The following ATG4C variants were observed in gnomAD, a reference collection of about 807,000 sequenced individuals.
The protein encoded by ATG4C is autophagy related 4C cysteine peptidase.
In ATG4C, 56 loss-of-function variants were observed where a neutral mutation model predicts 57.6. The ratio of observed to expected loss-of-function variants is 0.97; its 90% CI spans 0.78 to 1.21. The LOEUF (loss-of-function observed/expected upper bound fraction) is 1.21, where lower values mean the gene tolerates loss of function less well. ATG4C is among the 50% of genes most tolerant of loss of function. ATG4C has a pLI of 0.00. For missense variants in ATG4C, 595 were observed against 529.8 expected, an observed-to-expected ratio of 1.12 and a Z score of -1.21; for synonymous variants, 157 against 174.1, an observed-to-expected ratio of 0.90 and a Z score of 0.78.
At chr1:62,794,346 T>C (rs2100282349) in intron 1 of ATG4C, among the ~76,000 whole-genome samples, 1 of 152,320 alleles carries the variant, frequency 6.6e-6, no homozygotes, top group South Asian at 2.1e-4. Flanking sequence ...ATTTTACTCG[T>C]TAGATTTAAG....
At chr1:62,826,128 C>A (rs139134971) in intron 6 of ATG4C, among the ~76,000 whole-genome samples, 2 of 151,592 alleles carry the variant, frequency 1.3e-5, no homozygotes, top group African/African-American at 4.9e-5. Context: ...AGGCTGGCCT[C>A]GAAGTCCTGA....
intron 10 of ATG4C, among the ~76,000 whole-genome samples, chr1:62,857,490 T>C (rs1354804226): frequency 6.6e-6 from 1 of 152,080 alleles, no homozygotes; most frequent in Non-Finnish European, 1.5e-5. Flanking sequence ...ATTATTTCAT[T>C]ATATATATTA....
chr1:62,851,384 A>G (rs575975892), intron 10 of ATG4C, among the ~76,000 whole-genome samples: 1 of 152,210 alleles, frequency 6.6e-6, no homozygotes, highest in Non-Finnish European at 1.5e-5. Context: ...TCCAAAGAAT[A>G]CCTCCTCAGG....
chr1:62,844,905 G>A (rs1666283489), intron 10 of ATG4C, among the ~76,000 whole-genome samples: 2 of 151,772 alleles, frequency 1.3e-5, no homozygotes, highest in Admixed American at 1.3e-4. Flanking sequence ...CGTACATGTT[G>A]ATCTAGCTTA....
rs570726209 is a variant in ATG4C, at chr1:62,794,368, T to C, written c.-68-9351T>C. ...TCGTTAGATTTAAGAGAAGAATGCA[T>C]TGGTATTTTATTTAAGTCATCATTA... On this transcript the variant is annotated intron_variant, in intron 1 of 10. Coordinates refer to ENST00000317868, the MANE Select transcript of ATG4C (RefSeq NM_032852.4). 3.3e-5 allele frequency among the ~76,000 whole-genome samples: 5 copies of C among 152,328 alleles called. No homozygotes were observed. In the South Asian group the frequency reaches 1.0e-3, roughly 32 times the overall value.
At chr1:62,832,539 A>G (rs1665875446) in intron 7 of ATG4C, among the ~76,000 whole-genome samples, 1 of 152,050 alleles carries the variant, frequency 6.6e-6, no homozygotes, top group Admixed American at 6.6e-5. Context: ...AGTCCTTTTT[A>G]TAGCAACATT....
chr1:62,837,848 G>C (rs1344911161), intron 9 of ATG4C, among the ~76,000 whole-genome samples: 7 of 152,126 alleles, frequency 4.6e-5, no homozygotes, highest in Admixed American at 3.9e-4. Flanking sequence ...TTGGAGCGTA[G>C]TGTGTAATCT....
intron 10 of ATG4C, among the ~76,000 whole-genome samples, chr1:62,855,956 C>A (rs911898717): frequency 2.0e-5 from 3 of 152,150 alleles, no homozygotes; most frequent in African/African-American, 4.8e-5. Context: ...GAAGTATTTT[C>A]AGTTTTCAGA....
chr1:62,829,819 T>C (rs564087853), intron 7 of ATG4C, among the ~76,000 whole-genome samples: 16 of 152,308 alleles, frequency 1.1e-4, no homozygotes, highest in African/African-American at 3.6e-4. Flanking sequence ...AAATAGTTTC[T>C]GATTAAGGCA....
At chr1:62,824,584 C>T (rs190396952) in intron 6 of ATG4C, among the ~76,000 whole-genome samples, 112 of 151,954 alleles carry the variant, frequency 7.4e-4, no homozygotes, top group African/African-American at 2.5e-3. Flanking sequence ...TCTACCAGAT[C>T]CTCCTATTTT....
At chr1:62,839,695 C>T (rs1012481453) in intron 9 of ATG4C, among the ~76,000 whole-genome samples, 7 of 152,110 alleles carry the variant, frequency 4.6e-5, no homozygotes, top group African/African-American at 1.4e-4. Flanking sequence ...GCTAATGTAA[C>T]AGGTAGATCA....
chr1:62,815,343 C>A (rs1015796926), intron 3 of ATG4C, among the ~76,000 whole-genome samples: 8 of 152,040 alleles, frequency 5.3e-5, no homozygotes, highest in Non-Finnish European at 1.0e-4. Flanking sequence ...CACAGTCTGC[C>A]TTCAAGTGAT....
intron 7 of ATG4C, among the ~76,000 whole-genome samples, chr1:62,830,278 C>A (rs1665799391): frequency 6.6e-6 from 1 of 151,992 alleles, no homozygotes; most frequent in Non-Finnish European, 1.5e-5. Flanking sequence ...GTTATTGGTG[C>A]AGTATGAGAA....
intron 3 of ATG4C, among the ~76,000 whole-genome samples, chr1:62,805,718 C>A (rs969727979): frequency 6.6e-6 from 1 of 152,074 alleles, no homozygotes; most frequent in Admixed American, 6.5e-5. Flanking sequence ...GGGTGCCGGG[C>A]ACCATGCTGG....
At chr1:62,789,915 T>C (rs554360482) in intron 1 of ATG4C, among the ~76,000 whole-genome samples, 148 of 152,028 alleles carry the variant, frequency 9.7e-4, no homozygotes, top group African/African-American at 3.0e-3. Flanking sequence ...GACACACATA[T>C]ACACTTTTTT....
At chr1:62,834,889 A>G (rs748903739) in intron 9 of ATG4C, 37 bp downstream of exon 9, 55 of 1,536,062 alleles carry the variant, frequency 3.6e-5, no homozygotes, top group Non-Finnish European at 1.3e-5. Flanking sequence ...TTTTCTTACC[A>G]TATGAAGTAA....
At chr1:62,856,357 A>G (rs1298929683) in intron 10 of ATG4C, among the ~76,000 whole-genome samples, 7 of 152,174 alleles carry the variant, frequency 4.6e-5, no homozygotes, top group Admixed American at 4.6e-4. Flanking sequence ...GGAGACATGA[A>G]ATGGAGGTTA....
chr1:62,808,679 A>C (rs1195956463), intron 3 of ATG4C, among the ~76,000 whole-genome samples: 3 of 152,196 alleles, frequency 2.0e-5, no homozygotes, highest in African/African-American at 4.8e-5. Context: ...TAAATGCTTA[A>C]AAGAGATAGA....
intron 1 of ATG4C, among the ~76,000 whole-genome samples, chr1:62,789,100 A>G (rs1371937428): frequency 6.6e-6 from 1 of 152,154 alleles, no homozygotes; most frequent in African/African-American, 2.4e-5. Context: ...TTGTTTTCCT[A>G]TCCAGTGATT....
Sources: gnomAD v4.1 joint callset for allele counts (sites outside exome capture counted in the v4.1 genomes callset) on GRCh38, gnomAD v4.1.1 for gene constraint, MANE v1.5 for transcripts, NCBI Gene and HGNC (gene_info 2026-07-23, HGNC 2026-07-21) for gene names.